The following RBM33 variants were observed in gnomAD, a reference collection of about 807,000 sequenced individuals.
The protein encoded by RBM33 is RNA binding motif protein 33.
A neutral mutation model predicts 132.6 loss-of-function variants in RBM33; 28 were observed. That is an observed-to-expected ratio of 0.21 (90% CI 0.16 to 0.29). The LOEUF is 0.29. RBM33 is among the 10% of genes least tolerant of loss of function. RBM33 has a pLI of 1.00. For missense variants in RBM33, 1,291 were observed against 1,518.5 expected (o/e 0.85, Z 2.49); for synonymous variants, 634 against 593.0 (o/e 1.07, Z -1.01).
chr7:155,681,143 G>A (rs538695523), intron 5 of RBM33, among the ~76,000 whole-genome samples: 8 of 152,338 alleles, frequency 5.3e-5, no homozygotes, highest in African/African-American at 1.7e-4. Context: ...TGACCTTGAG[G>A]ATTGTACCCT....
chr7:155,753,118 C>T (rs1801736239), intron 14 of RBM33, among the ~76,000 whole-genome samples: 2 of 152,132 alleles, frequency 1.3e-5, no homozygotes, highest in African/African-American at 4.8e-5. Flanking sequence ...TACCCCTTTC[C>T]CCAGTACTTC....
chr7:155,691,114 G>A (rs1490010953), intron 5 of RBM33, among the ~76,000 whole-genome samples: 2 of 152,166 alleles, frequency 1.3e-5, no homozygotes, highest in Non-Finnish European at 2.9e-5. Flanking sequence ...CCAATCAGAC[G>A]TAGATTTGGT....
chr7:155,647,994 C>T (rs1456343411), intron 1 of RBM33, among the ~76,000 whole-genome samples: 1 of 152,158 alleles, frequency 6.6e-6, no homozygotes, highest in Non-Finnish European at 1.5e-5. Flanking sequence ...AGTGCGTTAT[C>T]TCACTTAAGA....
In RBM33 at chr7:155,699,444, T is replaced by C. The variant is rs549110781; in HGVS notation, c.568-1329T>C. 4.8e-4 allele frequency among the ~76,000 whole-genome samples: 73 copies of C among 152,246 alleles called. 1 individual carries two copies. Among genetic ancestry groups the C allele is most frequent in the Non-Finnish European group, 1.0e-4 (7 of 68,002 alleles). ...AATAGACGTCCTAAGGAAGCTGGCT[T>C]TGGTTCTGTTGGGAAGTGTGGTGCA... On this transcript the variant is annotated intron_variant, in intron 5 of 17. Transcript: ENST00000401878.
chr7:155,662,378 C>T (rs1798676395), intron 1 of RBM33, among the ~76,000 whole-genome samples: 1 of 152,134 alleles, frequency 6.6e-6, no homozygotes, highest in Non-Finnish European at 1.5e-5. Flanking sequence ...GCCATATTTC[C>T]AGCTGCTTTT....
rs1423129241 is a variant in RBM33 at position 155,778,009 on chromosome 7, A to G, written c.*2968A>G. The G allele has an allele frequency of 6.6e-6, 1 of 152,646 alleles. No individual in the cohort carries two copies. Among genetic ancestry groups the G allele is most frequent in the Admixed American group, 6.5e-5 (1 of 15,290 alleles). 9.5% of individuals were successfully genotyped at this position (152,646 alleles called of 1,614,324 possible). A position where few individuals can be genotyped will look rare whatever the true frequency, so the allele number is the denominator to read the frequency against. ...AGAAGTTCACTTAGCTACTTTAGAT[A>G]ACCTTGCATTACCACTGGTCTGGCC... On this transcript the variant is annotated 3_prime_UTR_variant, in exon 18 of 18. Coordinates refer to ENST00000401878, the MANE Select transcript of RBM33 (RefSeq NM_053043.3). This position sits in a 1 kb window ranked among gnomAD's most constrained non-coding sequence, Gnocchi z 4.0.
At chr7:155,701,685 T>C (rs989076513) in intron 6 of RBM33, among the ~76,000 whole-genome samples, 5 of 152,150 alleles carry the variant, frequency 3.3e-5, no homozygotes, top group African/African-American at 1.2e-4. Flanking sequence ...AAAAAAGTTG[T>C]ATTTTTTTTG....
chr7:155,741,126 T>G (rs1801318562), intron 12 of RBM33, among the ~76,000 whole-genome samples: 1 of 152,156 alleles, frequency 6.6e-6, no homozygotes, highest in African/African-American at 2.4e-5. Flanking sequence ...CTTTATAACC[T>G]GGGTTTCATT....
rs1413865131 is a variant in RBM33 at position 155,763,865 on chromosome 7, C to T, written c.3033C>T (p.Pro1011=). The change falls in exon 15 of 18, where the codon CCC becomes CCT. Residue 1011 remains proline (P), a synonymous_variant. Transcript: ENST00000401878. ...FHPEGQPQRL[P]QPPEVGPQPA... ...CAGAAGGCCAGCCCCAGCGGCTTCC[C>T]CAGCCTCCGGAAGTGGGACCACAGC... The T allele has an allele frequency of 1.2e-6, 2 of 1,612,066 alleles. No individual in the cohort carries two copies. Among genetic ancestry groups the T allele is most frequent in the Admixed American group, 1.7e-5 (1 of 59,774 alleles).
In RBM33 at chr7:155,680,779, A is replaced by T; in HGVS notation, c.438A>T (p.Gly146=). Reference sequence around the variant, plus strand: ...ATACTCAAGAGTACCCAGAAGAAGGACAGTATGAAGGCCACGAAGCTGAGT... The same window carrying T: ...ATACTCAAGAGTACCCAGAAGAAGGTCAGTATGAAGGCCACGAAGCTGAGT... ...ELYTQEYPEE[G]QYEGHEAELT... The change falls in exon 5 of 18, where the codon GGA becomes GGT. Residue 146 remains glycine (G), a synonymous_variant. Transcript: ENST00000401878. 6.2e-7 allele frequency: 1 copy of T among 1,613,814 alleles called. No homozygotes were observed. Among genetic ancestry groups the T allele is most frequent in the Non-Finnish European group, 8.5e-7 (1 of 1,179,808 alleles).
chr7:155,740,985 C>T (rs1313938539), intron 12 of RBM33, among the ~76,000 whole-genome samples: 1 of 152,202 alleles, frequency 6.6e-6, no homozygotes, highest in Non-Finnish European at 1.5e-5. Flanking sequence ...CACCCTTGAG[C>T]TTCAGTCATG....
rs138262392 is a variant in RBM33, at chr7:155,759,244, TA to T, written c.2980-4562del. On this transcript the variant is annotated intron_variant, in intron 14 of 17. Transcript: ENST00000401878. ...ACTTTAAATAGAGATCAAGCCTACTTAAAAAATAAACTTTCCTTCAATGGAA... is the reference window on the plus strand; with the variant it reads ...ACTTTAAATAGAGATCAAGCCTACTTAAAAATAAACTTTCCTTCAATGGAA... Among the ~76,000 whole-genome samples the T allele has an allele frequency of 6.3e-3, 964 of 152,264 alleles. 17 individuals carry two copies. Among genetic ancestry groups the T allele is most frequent in the African/African-American group, 0.022 (896 of 41,548 alleles).
In RBM33 at chr7:155,775,403, A is replaced by T; in HGVS notation, c.*362A>T. 2.6e-6 allele frequency: 1 copy of T among 389,162 alleles called. No individual in the cohort carries two copies. The highest frequency in any genetic ancestry group is 4.9e-6 in the Non-Finnish European group (1 of 205,598). The allele number at this position is 389,162 out of a possible 1,614,324, so 24.1% of individuals were successfully genotyped here. A position where few individuals can be genotyped will look rare whatever the true frequency, so the allele number is the denominator to read the frequency against. ...TTCAGGAAAGAACATTAACGTCACA[A>T]GTTCTAAGTAGTTTTCACAGCAAAG... is the stretch of plus-strand genomic sequence containing the variant. On this transcript the variant is annotated 3_prime_UTR_variant, in exon 18 of 18. Coordinates refer to ENST00000401878, the MANE Select transcript of RBM33 (RefSeq NM_053043.3).
rs1438410752 is a variant in RBM33 at position 155,739,994 on chromosome 7, A to T, written c.2017A>T (p.Met673Leu). 10 of 1,565,424 alleles carry T rather than the reference A, an allele frequency of 6.4e-6. No individual in the cohort carries two copies. Among genetic ancestry groups the T allele is most frequent in the Middle Eastern group, 1.7e-4 (1 of 5,974 alleles). The change falls in exon 12 of 18, where the codon ATG (methionine) becomes TTG (leucine). Residue 673 changes from methionine (M) to leucine (L), a missense_variant. Around this residue, in one of 7 missense-constraint regions of RBM33, gnomAD observed 841 missense variants for 912.0 expected, o/e 0.92. Transcript: ENST00000401878. ...TCAGCCTCAGGCCAGCAGCAGCCGG[A>T]TGCAGTGCCCCCAGCGCCAGGGGCT... is the stretch of plus-strand genomic sequence containing the variant. ...TAQPQASSSR[M>L]QCPQRQGLRH...
intron 1 of RBM33, among the ~76,000 whole-genome samples, chr7:155,649,998 T>C (rs1359411278): frequency 6.6e-6 from 1 of 152,214 alleles, no homozygotes; most frequent in African/African-American, 2.4e-5. Context: ...TCTTCCAGAT[T>C]TCCCATTATA....
intron 12 of RBM33, among the ~76,000 whole-genome samples, chr7:155,741,112 G>C (rs76407781): frequency 1.3e-5 from 2 of 152,094 alleles, no homozygotes; most frequent in Non-Finnish European, 2.9e-5. Context: ...CTGAGAAGAG[G>C]GTGCTTTATA....
At position 155,700,685 on chromosome 7, in the gene RBM33, C is replaced by A. The variant is rs556787476; in HGVS notation, c.568-88C>A. 8.0e-6 allele frequency: 7 copies of A among 875,860 alleles called. No individual in the cohort carries two copies. In the African/African-American group the frequency reaches 8.8e-5, roughly 11 times the overall value. The allele number at this position is 875,860 out of a possible 1,614,324, so 54.3% of individuals were successfully genotyped here. ...GTATTTTTTACATCTGAAATATAAA[C>A]AATTAAATATTTTAGCATTCTTTAA... is the stretch of plus-strand genomic sequence containing the variant. On this transcript the variant is annotated intron_variant, in intron 5 of 17. Transcript: ENST00000401878.
Position 155,742,054 on chromosome 7 carries a change from A to C in RBM33, c.2285A>C (p.Lys762Thr). 1 of 1,614,018 alleles carries C rather than the reference A, an allele frequency of 6.2e-7. No individual in the cohort carries two copies. Among genetic ancestry groups the C allele is most frequent in the South Asian group, 1.1e-5 (1 of 91,088 alleles). The stretch of plus-strand genomic sequence containing the variant: ...CAGGGAAAGACGGAAGTGAAAGTCA[A>C]GCCAGCTAGCCCTGTGGCTCAACCT... ...SSQGKTEVKV[K>T]PASPVAQPKE... The change falls in exon 13 of 18, where the codon AAG (lysine) becomes ACG (threonine). Residue 762 changes from lysine (K) to threonine (T), a missense_variant. Lys to Thr is a moderately conservative substitution (Grantham distance 78). Coordinates refer to ENST00000401878, the MANE Select transcript of RBM33 (RefSeq NM_053043.3).
chr7:155,653,405 G>T (rs1000382063), intron 1 of RBM33, among the ~76,000 whole-genome samples: 1 of 151,402 alleles, frequency 6.6e-6, no homozygotes, highest in African/African-American at 2.4e-5. Context: ...TTCTGCCCAG[G>T]TTCCCTCGGC....
Sources: gnomAD v4.1 joint callset for allele counts (sites outside exome capture counted in the v4.1 genomes callset) on GRCh38, gnomAD v4.1.1 for gene constraint, gnomAD v4.1.1 regional missense constraint, Gnocchi (gnomAD v3.1) non-coding constraint, MANE v1.5 for transcripts, NCBI Gene and HGNC (gene_info 2026-07-23, HGNC 2026-07-21) for gene names.